Variants in SLC22A23 observed in about 807,000 individuals in gnomAD.
The protein encoded by SLC22A23 is solute carrier family 22 member 23, also known as ion transporter protein.
In SLC22A23, 26 loss-of-function variants were observed where a neutral mutation model predicts 61.0. The observed-to-expected ratio is 0.43, with a 90% CI of 0.31 to 0.59. The LOEUF (loss-of-function observed/expected upper bound fraction) is 0.59, where lower values mean the gene tolerates loss of function less well. Among genes scored for constraint, SLC22A23 ranks in the 20% least tolerant of loss-of-function variants. SLC22A23 has a pLI of 0.11. For missense variants in SLC22A23, 796 were observed against 934.7 expected, an observed-to-expected ratio of 0.85 and a Z score of 1.94; for synonymous variants, 430 against 413.9, an observed-to-expected ratio of 1.04 and a Z score of -0.47.
At chr6:3,338,783 TA>T (rs1471242947) in intron 3 of SLC22A23, among the ~76,000 whole-genome samples, 1 of 152,248 alleles carries the variant, frequency 6.6e-6, no homozygotes, top group African/African-American at 2.4e-5. Flanking sequence ...TAAAAGCCTA[TA>T]CAGAATTAAA....
Position 3,282,279 on chromosome 6 carries a change from C to A in SLC22A23, c.1703+1573G>T, listed in dbSNP as rs1338413467. ...GTCGGCCTGAGGTATCCTGCAACTG[C>A]AAGCACTAAATAAGCTCCTGACTCA... On this transcript the variant is annotated intron_variant, in intron 9 of 9. Transcript: ENST00000406686. 3 of 702,608 alleles carry A rather than the reference C, an allele frequency of 4.3e-6. No individual in the cohort carries two copies. In the Admixed American group the frequency reaches 6.0e-5, roughly 14 times the overall value. 43.5% of individuals were successfully genotyped at this position (702,608 alleles called of 1,614,324 possible).
At position 3,299,512 on chromosome 6, in the gene SLC22A23, T is replaced by A. The variant is rs185717134; in HGVS notation, c.1083-1294A>T. On this transcript the variant is annotated intron_variant, in intron 4 of 9. Coordinates refer to ENST00000406686, the MANE Select transcript of SLC22A23 (RefSeq NM_015482.2). ...CCAAAGCGACAGAATCTTTTTCTTTTTTTAAAAGATGGAATCTTGTGAGGA... is the reference window on the plus strand; with the variant it reads ...CCAAAGCGACAGAATCTTTTTCTTTATTTAAAAGATGGAATCTTGTGAGGA... Among the ~76,000 whole-genome samples, 8 of 152,330 alleles carry A rather than the reference T, an allele frequency of 5.3e-5. No individual in the cohort carries two copies. The East Asian group carries it at 1.5e-3, about 29-fold the overall frequency.
intron 1 of SLC22A23, among the ~76,000 whole-genome samples, chr6:3,431,402 G>T (rs976467781): frequency 6.6e-6 from 1 of 152,216 alleles, no homozygotes; most frequent in Non-Finnish European, 1.5e-5. Context: ...GGCTCTGCAG[G>T]GGACAGGGAA....
At chr6:3,282,233 T>C (rs1239375322) in intron 9 of SLC22A23, 1 of 702,580 alleles carries the variant, frequency 1.4e-6, no homozygotes, top group East Asian at 2.7e-5. Context: ...TTCCGTCCTT[T>C]AGACAGGGAG....
chr6:3,378,443 C>T (rs1401050609), intron 3 of SLC22A23, among the ~76,000 whole-genome samples: 2 of 152,168 alleles, frequency 1.3e-5, no homozygotes, highest in Non-Finnish European at 2.9e-5. Flanking sequence ...GCTGTTGCTA[C>T]TGAGGCAACA....
chr6:3,360,230 A>C lies in SLC22A23; in HGVS notation c.914-36228T>G, dbSNP rs904434095. On this transcript the variant is annotated intron_variant, in intron 3 of 9. Coordinates refer to ENST00000406686, the MANE Select transcript of SLC22A23 (RefSeq NM_015482.2). This position sits in a 1 kb window ranked among gnomAD's most constrained non-coding sequence, Gnocchi z 4.6. ...ATTACTTAATGCCACTGAATGGTAC[A>C]ATTAAAAGTAGTTAAAATGGTAATT... 6.6e-5 allele frequency among the ~76,000 whole-genome samples: 10 copies of C among 152,214 alleles called. No homozygotes were observed. The highest frequency in any genetic ancestry group is 2.4e-4 in the African/African-American group (10 of 41,454).
chr6:3,427,664 C>G lies in SLC22A23; in HGVS notation c.655-11809G>C, dbSNP rs772880229. 2.6e-5 allele frequency among the ~76,000 whole-genome samples: 4 copies of G among 152,016 alleles called. No individual in the cohort carries two copies. The highest frequency in any genetic ancestry group is 2.6e-4 in the Admixed American group (4 of 15,258). ...GACCTCCTCAGCAGCATCCTGGGAACAGCAACAGCTTCGTTTCCAACACTT... is the reference window on the plus strand; with the variant it reads ...GACCTCCTCAGCAGCATCCTGGGAAGAGCAACAGCTTCGTTTCCAACACTT... On this transcript the variant is annotated intron_variant, in intron 1 of 9. Coordinates refer to ENST00000406686, the MANE Select transcript of SLC22A23 (RefSeq NM_015482.2). This position sits in a 1 kb window ranked among gnomAD's most constrained non-coding sequence, Gnocchi z 4.3.
chr6:3,341,729 AC>A (rs1764164499), intron 3 of SLC22A23, among the ~76,000 whole-genome samples: 1 of 151,308 alleles, frequency 6.6e-6, no homozygotes, highest in Non-Finnish European at 1.5e-5. Context: ...AACCACACGC[AC>A]AATTCATTGG....
At chr6:3,312,439 T>C (rs1184464213) in intron 4 of SLC22A23, 4 of 152,190 alleles carry the variant, frequency 2.6e-5, no homozygotes, top group Admixed American at 1.3e-4. Context: ...AGGAGGTAAG[T>C]AGGCAGAGGA....
intron 5 of SLC22A23, among the ~76,000 whole-genome samples, chr6:3,293,736 T>C (rs1293433948): frequency 6.6e-6 from 1 of 152,174 alleles, no homozygotes; most frequent in Non-Finnish European, 1.5e-5. Context: ...TTGGGCAAGG[T>C]ACCTAGCGTG....
chr6:3,363,616 T>C (rs1765622153), intron 3 of SLC22A23, among the ~76,000 whole-genome samples: 4 of 152,266 alleles, frequency 2.6e-5, no homozygotes, highest in Admixed American at 2.6e-4. Flanking sequence ...ATGTGGCACC[T>C]TCAGCACTAA....
In SLC22A23 at chr6:3,272,762, T is replaced by G. The variant is rs749258887; in HGVS notation, c.*293A>C. The G allele has an allele frequency of 8.1e-6, 2 of 245,828 alleles. No individual in the cohort carries two copies. The highest frequency in any genetic ancestry group is 4.5e-5 in the African/African-American group (2 of 43,986). The allele number at this position is 245,828 out of a possible 1,614,324, so 15.2% of individuals were successfully genotyped here. ...CTCGCTGCCCAGGGAGGTGATTCCA[T>G]TTGTGATCAGTGAGAGGGAGAGGGA... On this transcript the variant is annotated 3_prime_UTR_variant, in exon 10 of 10. Coordinates refer to ENST00000406686, the MANE Select transcript of SLC22A23 (RefSeq NM_015482.2).
chr6:3,434,590 C>G (rs1033526429), intron 1 of SLC22A23, among the ~76,000 whole-genome samples: 7 of 150,152 alleles, frequency 4.7e-5, no homozygotes, highest in Non-Finnish European at 7.4e-5. Flanking sequence ...GCCTGGGCAA[C>G]AGAGCAAGAC....
chr6:3,302,403 C>G (rs1478598264), intron 4 of SLC22A23, among the ~76,000 whole-genome samples: 1 of 152,044 alleles, frequency 6.6e-6, no homozygotes, highest in African/African-American at 2.4e-5. Flanking sequence ...TTGATCTTCT[C>G]TATGGTTTTG....
chr6:3,455,065 G>A (rs1772328593), intron 1 of SLC22A23, among the ~76,000 whole-genome samples: 1 of 152,112 alleles, frequency 6.6e-6, no homozygotes, highest in Non-Finnish European at 1.5e-5. Flanking sequence ...CAGCTGTCTA[G>A]GGGCATTGAG....
In SLC22A23 at chr6:3,342,393, A is replaced by G. The variant is rs1265855961; in HGVS notation, c.914-18391T>C. 6.6e-6 allele frequency among the ~76,000 whole-genome samples: 1 copy of G among 152,270 alleles called. No homozygotes were observed. Among genetic ancestry groups the G allele is most frequent in the Non-Finnish European group, 1.5e-5 (1 of 68,048 alleles). Reference sequence around the variant, plus strand: ...TAAAATTTGAAATTCAGAATGAAGTACAGCCCCAGAAACTATGGAAGTGAG... The same window carrying G: ...TAAAATTTGAAATTCAGAATGAAGTGCAGCCCCAGAAACTATGGAAGTGAG... On this transcript the variant is annotated intron_variant, in intron 3 of 9. Coordinates refer to ENST00000406686, the MANE Select transcript of SLC22A23 (RefSeq NM_015482.2). This position sits in a 1 kb window ranked among gnomAD's most constrained non-coding sequence, Gnocchi z 4.0.
intron 3 of SLC22A23, among the ~76,000 whole-genome samples, chr6:3,354,329 TCA>T: frequency 6.6e-6 from 1 of 152,358 alleles, no homozygotes; most frequent in East Asian, 1.9e-4. Context: ...CTAAAGGCAC[TCA>T]CAGACTTTTC....
intron 1 of SLC22A23, among the ~76,000 whole-genome samples, chr6:3,428,107 C>T (rs975540581): frequency 2.0e-5 from 3 of 152,212 alleles, no homozygotes; most frequent in African/African-American, 4.8e-5. Flanking sequence ...TGGCCAGATG[C>T]GTATGGGACA....
intron 1 of SLC22A23, among the ~76,000 whole-genome samples, chr6:3,441,551 C>A (rs970332724): frequency 6.6e-6 from 1 of 152,144 alleles, no homozygotes; most frequent in Non-Finnish European, 1.5e-5. Flanking sequence ...TGCTCAAACC[C>A]AAGCCCTCCT....
Sources: gnomAD v4.1 joint callset for allele counts (sites outside exome capture counted in the v4.1 genomes callset) on GRCh38, gnomAD v4.1.1 for gene constraint, Gnocchi (gnomAD v3.1) non-coding constraint, MANE v1.5 for transcripts, NCBI Gene and HGNC (gene_info 2026-07-23, HGNC 2026-07-21) for gene names.